The following ARHGEF10L variants were observed in gnomAD, a reference collection of about 807,000 sequenced individuals.
ARHGEF10L encodes the protein rho guanine nucleotide exchange factor 10-like protein.
Under a neutral mutation model 141.2 loss-of-function variants are expected in ARHGEF10L, and 69 were observed. The observed-to-expected ratio is 0.49, with a 90% CI of 0.40 to 0.60. The LOEUF (loss-of-function observed/expected upper bound fraction) is 0.60. Among genes scored for constraint, ARHGEF10L ranks in the 20% least tolerant of loss-of-function variants. ARHGEF10L has a pLI of 0.00. For synonymous variants in ARHGEF10L, 711 were observed against 718.5 expected, an observed-to-expected ratio of 0.99 and a Z score of 0.17; for missense variants, 1,482 against 1,734.3, an observed-to-expected ratio of 0.85 and a Z score of 2.58.
the ARHGEF10L span, among the ~76,000 whole-genome samples, chr1:17,522,764 G>A: frequency 3.3e-5 from 5 of 152,176 alleles, no homozygotes; most frequent in African/African-American, 1.2e-4. Flanking sequence ...TCAGGGGGGT[G>A]ACTGGCCTGG....
chr1:17,676,819 C>T (rs1044896679), intron 26 of ARHGEF10L, among the ~76,000 whole-genome samples: 2 of 151,898 alleles, frequency 1.3e-5, no homozygotes, highest in Admixed American at 6.6e-5. Context: ...CAGGCCTTTG[C>T]ACCCACTGCT....
chr1:17,572,252 T>A (rs1281635766), intron 1 of ARHGEF10L, among the ~76,000 whole-genome samples: 1 of 152,192 alleles, frequency 6.6e-6, no homozygotes, highest in Non-Finnish European at 1.5e-5. Context: ...TGGGTCCATT[T>A]TGGGAGCCCG....
Position 17,634,813 on chromosome 1 carries a change from C to T in ARHGEF10L, c.1746-22C>T, listed in dbSNP as rs775668955. The T allele has an allele frequency of 5.0e-6, 8 of 1,601,884 alleles. No homozygotes were observed. In the Admixed American group the frequency reaches 1.2e-4, roughly 24 times the overall value. On this transcript the variant is annotated intron_variant, in intron 17 of 28. Coordinates refer to ENST00000361221, the MANE Select transcript of ARHGEF10L (RefSeq NM_018125.4). ...AGGGTGGCTGCAGCCTCTCCAGGGC[C>T]TTGTCCTCTCTGTTCCAACAGGGGC...
chr1:17,528,456 A>G, the ARHGEF10L span, among the ~76,000 whole-genome samples: 1 of 151,912 alleles, frequency 6.6e-6, no homozygotes, highest in African/African-American at 2.4e-5. Flanking sequence ...GGCCCAAGTG[A>G]TCCTCCCACC....
At chr1:17,552,623 C>T (rs1371706387) in intron 1 of ARHGEF10L, among the ~76,000 whole-genome samples, 1 of 120,104 alleles carries the variant, frequency 8.3e-6, no homozygotes, top group African/African-American at 3.2e-5. Context: ...AGGGTTTCAC[C>T]ATATCAGCCA....
At position 17,654,431 on chromosome 1, in the gene ARHGEF10L, G is replaced by A. The variant is rs540078502; in HGVS notation, c.2395-205G>A. Among the ~76,000 whole-genome samples, 11 of 152,260 alleles carry A rather than the reference G, an allele frequency of 7.2e-5. No homozygotes were observed. Among genetic ancestry groups the A allele is most frequent in the Admixed American group, 2.0e-4 (3 of 15,302 alleles). On this transcript the variant is annotated intron_variant, in intron 22 of 28. Coordinates refer to ENST00000361221, the MANE Select transcript of ARHGEF10L (RefSeq NM_018125.4). The surrounding 1 kb of genome is among the most constrained non-coding windows in gnomAD (Gnocchi z 4.3). ...AGCCTCTTGCAGGCCTCTTCTAGCC[G>A]GAAGGTTCTAGGAAAGGAAGAACAA...
intron 4 of ARHGEF10L, among the ~76,000 whole-genome samples, chr1:17,593,815 G>T (rs1377230605): frequency 6.6e-6 from 1 of 151,980 alleles, no homozygotes; most frequent in Non-Finnish European, 1.5e-5. Flanking sequence ...CGACAGCCCT[G>T]GAAAGAGGAA....
intron 20 of ARHGEF10L, 110 bp from the exon 21 acceptor site, chr1:17,640,092 C>T (rs1443361866): frequency 3.3e-6 from 5 of 1,500,272 alleles, no homozygotes; most frequent in East Asian, 4.9e-5. Flanking sequence ...TCTGACCAGA[C>T]CTCCTTGATC....
chr1:17,668,378 G>A (rs2063111754), intron 26 of ARHGEF10L, among the ~76,000 whole-genome samples: 1 of 152,196 alleles, frequency 6.6e-6, no homozygotes, highest in Non-Finnish European at 1.5e-5. Flanking sequence ...GAAGGACAGG[G>A]GCCCGGGTCA....
chr1:17,656,025 C>G lies in ARHGEF10L; in HGVS notation c.2628C>G (p.Ser876Arg), dbSNP rs537999610. 3.1e-5 allele frequency: 49 copies of G among 1,572,150 alleles called. No homozygotes were observed. In the South Asian group the frequency reaches 5.5e-4, roughly 18 times the overall value. ...CGGAGCTGGAGGAGGAGGCGGAGAG[C>G]AGAGACGAGAGCCCGACAGTTGCTG... The part of the protein sequence containing the change: ...YIPELEEEAE[S>R]RDESPTVADP... Residue 876 changes from serine to arginine, a missense_variant, in exon 24 of 29, where the codon AGC becomes AGG. This residue lies in a region of ARHGEF10L where 858 missense variants were observed against 966.3 expected (regional missense o/e 0.89). Transcript: ENST00000361221. The surrounding 1 kb of genome is among the most constrained non-coding windows in gnomAD (Gnocchi z 4.9).
rs2080955442 is a variant in ARHGEF10L, at chr1:17,604,094, T to C, written c.433+503T>C. 2.0e-5 allele frequency among the ~76,000 whole-genome samples: 3 copies of C among 152,068 alleles called. No individual in the cohort carries two copies. The South Asian group carries it at 6.2e-4, about 31-fold the overall frequency. The stretch of plus-strand genomic sequence containing the variant: ...ACCTGATGGAAGAGAGGACTGTTCA[T>C]TGGCAATTAACAGGAAGAGCCGTCT... On this transcript the variant is annotated intron_variant, in intron 6 of 28. Transcript: ENST00000361221.
chr1:17,617,110 G>A (rs1347366406), intron 9 of ARHGEF10L, among the ~76,000 whole-genome samples: 1 of 152,240 alleles, frequency 6.6e-6, no homozygotes, highest in Admixed American at 6.5e-5. Flanking sequence ...GCGGAAGTGA[G>A]GGCGGGCATG....
intron 16 of ARHGEF10L, chr1:17,634,262 A>C: frequency 7.4e-6 from 4 of 542,646 alleles, no homozygotes; most frequent in Non-Finnish European, 1.3e-5. Context: ...GTTTTGGGGA[A>C]TCAGTTTGGG....
At chr1:17,515,639 CT>C in the ARHGEF10L span, among the ~76,000 whole-genome samples, 5 of 151,760 alleles carry the variant, frequency 3.3e-5, no homozygotes, top group African/African-American at 1.2e-4. Context: ...TTTTGCTTTT[CT>C]TTTTTTCTTT....
upstream of ARHGEF10L, among the ~76,000 whole-genome samples, chr1:17,539,354 G>A (rs1215095110): frequency 1.3e-5 from 2 of 152,220 alleles, no homozygotes; most frequent in African/African-American, 4.8e-5. This position sits in a 1 kb window ranked among gnomAD's most constrained non-coding sequence, Gnocchi z 6.0. Context: ...TGGGGGAGGA[G>A]AAGCCAGCAC....
intron 2 of ARHGEF10L, among the ~76,000 whole-genome samples, chr1:17,581,402 T>C (rs773715701): frequency 6.5e-4 from 99 of 152,038 alleles, no homozygotes; most frequent in Non-Finnish European, 1.2e-3. Context: ...AATTCAAGTC[T>C]GTGTCCTGTA....
rs1340914248 is a variant in ARHGEF10L at position 17,623,151 on chromosome 1, G to A, written c.1176G>A (p.Lys392=). 2 of 1,613,326 alleles carry A rather than the reference G, an allele frequency of 1.2e-6. No homozygotes were observed. Among genetic ancestry groups the A allele is most frequent in the Non-Finnish European group, 1.7e-6 (2 of 1,179,754 alleles). Residue 392 remains lysine (K), a synonymous_variant, in exon 12 of 29, where the codon AAG becomes AAA. Transcript: ENST00000361221. This position sits in a 1 kb window ranked among gnomAD's most constrained non-coding sequence, Gnocchi z 4.7. ...SRVAEWDSTE[K]IGDLFVASFS... ...TGGCTGAGTGGGATTCCACCGAGAA[G>A]ATCGGGGACCTCTTCGTGGCCTCGG...
intron 6 of ARHGEF10L, chr1:17,605,020 A>T (rs1339778586): frequency 6.6e-6 from 1 of 152,256 alleles, no homozygotes; most frequent in African/African-American, 2.4e-5. Context: ...CAGGATCCCC[A>T]TATGCTGGGC....
intron 2 of ARHGEF10L, among the ~76,000 whole-genome samples, chr1:17,585,685 G>A (rs559000375): frequency 2.0e-5 from 3 of 152,172 alleles, no homozygotes; most frequent in Non-Finnish European, 4.4e-5. Context: ...GAACCTCCAG[G>A]TCATTGTAGG....
Sources: gnomAD v4.1 joint callset for allele counts (sites outside exome capture counted in the v4.1 genomes callset) on GRCh38, gnomAD v4.1.1 for gene constraint, gnomAD v4.1.1 regional missense constraint, Gnocchi (gnomAD v3.1) non-coding constraint, MANE v1.5 for transcripts, NCBI Gene and HGNC (gene_info 2026-07-23, HGNC 2026-07-21) for gene names.